Variants in PRDM11 observed in about 807,000 individuals in gnomAD.
PRDM11 encodes PR/SET domain 11.
PRDM11 carries 20 observed loss-of-function variants against 97.8 expected under a neutral mutation model. The observed-to-expected ratio is 0.20, with a 90% confidence interval of 0.14 to 0.30. The LOEUF (loss-of-function observed/expected upper bound fraction) is 0.30. Among genes scored for constraint, PRDM11 ranks in the 10% least tolerant of loss-of-function variants. PRDM11 has a pLI of 1.00. For synonymous variants in PRDM11, 599 were observed against 637.7 expected (o/e 0.94, Z 0.91); for missense variants, 1,139 against 1,555.2 (o/e 0.73, Z 4.50).
chr11:45,107,817 A>T (rs1223548202), intron 1 of PRDM11, among the ~76,000 whole-genome samples: 2 of 150,636 alleles, frequency 1.3e-5, no homozygotes, highest in Non-Finnish European at 2.9e-5. Flanking sequence ...AGTGCTCAAT[A>T]AATGTGGGTT....
chr11:45,206,059 C>T lies in PRDM11; in HGVS notation c.554+1281C>T, dbSNP rs1292925199. On this transcript the variant is annotated intron_variant, in intron 5 of 7. Coordinates refer to ENST00000683152, the MANE Select transcript of PRDM11 (RefSeq NM_001384648.1). ...GGCCCCAGGGAGGTGGCTTGACACC[C>T]TGACTGCCTTCTCTTCTCACTGCCA... 2.0e-5 allele frequency among the ~76,000 whole-genome samples: 3 copies of T among 152,204 alleles called. No individual in the cohort carries two copies. The East Asian group carries it at 5.8e-4, about 29-fold the overall frequency.
intron 5 of PRDM11, chr11:45,214,587 C>G (rs1405454002): frequency 1.3e-5 from 2 of 152,196 alleles, no homozygotes; most frequent in East Asian, 3.9e-4. Flanking sequence ...TTGGGGGTTC[C>G]TGCTTCCCTC....
At chr11:45,148,992 T>A (rs1851594442) in intron 1 of PRDM11, among the ~76,000 whole-genome samples, 1 of 152,126 alleles carries the variant, frequency 6.6e-6, no homozygotes. Flanking sequence ...CCACTACTCT[T>A]TAAGGCAGAA....
chr11:45,222,405 G>A (rs545596920), intron 6 of PRDM11, among the ~76,000 whole-genome samples: 40 of 152,312 alleles, frequency 2.6e-4, no homozygotes, highest in Admixed American at 7.8e-4. Context: ...CTGCCTGATT[G>A]TCCCATGAGG....
At position 45,204,748 on chromosome 11, in the gene PRDM11, G is replaced by A. The variant is rs891370063; in HGVS notation, c.524G>A (p.Gly175Asp). 4.3e-6 allele frequency: 7 copies of A among 1,613,152 alleles called. No homozygotes were observed. Among genetic ancestry groups the A allele is most frequent in the Non-Finnish European group, 4.2e-6 (5 of 1,179,140 alleles). The change falls in exon 5 of 8, where the codon GGC (glycine) becomes GAC (aspartate). Residue 175 changes from glycine to aspartate, a missense_variant. This residue lies in a region of PRDM11 where 429 missense variants were observed against 510.3 expected (regional missense o/e 0.84). Coordinates refer to ENST00000683152, the MANE Select transcript of PRDM11 (RefSeq NM_001384648.1). ...AACAACCGCTATAAGTCCATAGATG[G>A]CTCAGACGAGACCAAAGCCAACTGG... ...DKNNRYKSIDGSDETKANWMR... is the reference protein window; with the variant it reads ...DKNNRYKSIDDSDETKANWMR...
intron 1 of PRDM11, among the ~76,000 whole-genome samples, chr11:45,137,212 C>A (rs1162552628): frequency 2.7e-5 from 4 of 150,896 alleles, no homozygotes; most frequent in African/African-American, 9.8e-5. Context: ...GCAGGCAGAT[C>A]ACTTGAGGTC....
intron 4 of PRDM11, among the ~76,000 whole-genome samples, chr11:45,185,083 C>T (rs1852655331): frequency 6.6e-6 from 1 of 152,160 alleles, no homozygotes; most frequent in Non-Finnish European, 1.5e-5. Flanking sequence ...CCAAGTGCTG[C>T]TGAGAAACCA....
At chr11:45,139,568 C>CAAAAAAAA (rs10594529) in intron 1 of PRDM11, among the ~76,000 whole-genome samples, 14 of 91,422 alleles carry the variant, frequency 1.5e-4, no homozygotes, top group African/African-American at 5.0e-4. Context: ...CTCCAACTCA[C>CAAAAAAAA]AAAAAAAAAA....
intron 1 of PRDM11, among the ~76,000 whole-genome samples, chr11:45,138,304 G>A (rs1006974341): frequency 2.0e-5 from 3 of 152,168 alleles, no homozygotes; most frequent in Non-Finnish European, 2.9e-5. Context: ...TGGTGCTCCC[G>A]CCTATAATCC....
intron 1 of PRDM11, among the ~76,000 whole-genome samples, chr11:45,118,758 GA>G (rs1409788674): frequency 6.6e-6 from 1 of 152,198 alleles, no homozygotes. Flanking sequence ...GGTTAAGTAT[GA>G]ATGACAAAAT....
At chr11:45,133,567 C>A (rs1168273939) in intron 1 of PRDM11, among the ~76,000 whole-genome samples, 6 of 152,160 alleles carry the variant, frequency 3.9e-5, no homozygotes, top group Admixed American at 3.9e-4. Flanking sequence ...GTTATAGGAG[C>A]CAACACGTTA....
intron 4 of PRDM11, among the ~76,000 whole-genome samples, chr11:45,202,035 C>G (rs1565319631): frequency 6.6e-6 from 1 of 152,154 alleles, no homozygotes; most frequent in Non-Finnish European, 1.5e-5. Flanking sequence ...TCTCAAACTC[C>G]TGGCCTCAAG....
At chr11:45,188,126 C>G (rs1852776449) in intron 4 of PRDM11, among the ~76,000 whole-genome samples, 1 of 152,142 alleles carries the variant, frequency 6.6e-6, no homozygotes, top group South Asian at 2.1e-4. Flanking sequence ...CCTCCACACT[C>G]CCTCCCTCAG....
chr11:45,142,272 G>GTCC (rs893471647), upstream of PRDM11, among the ~76,000 whole-genome samples: 3 of 152,108 alleles, frequency 2.0e-5, no homozygotes, highest in African/African-American at 7.2e-5. Flanking sequence ...TCTGCTTCTT[G>GTCC]TCCTTCTTGC....
At chr11:45,156,485 C>G (rs1224010850) in intron 1 of PRDM11, among the ~76,000 whole-genome samples, 7 of 152,254 alleles carry the variant, frequency 4.6e-5, no homozygotes, top group Admixed American at 4.6e-4. Flanking sequence ...CCGCAGACCT[C>G]TGCCCATCCT....
chr11:45,126,219 C>T (rs865799326), intron 1 of PRDM11, among the ~76,000 whole-genome samples: 2,025 of 151,996 alleles, frequency 0.013, 40 homozygotes, highest in African/African-American at 0.046. Flanking sequence ...TTATTTTGAG[C>T]CTATGTGTGT....
intron 4 of PRDM11, among the ~76,000 whole-genome samples, chr11:45,187,898 G>A (rs2012408): frequency 0.11 from 16,353 of 151,968 alleles, 1,305 homozygotes; most frequent in Admixed American, 0.25. Flanking sequence ...GAACGGCCCT[G>A]CCTGCTCTGC....
Position 45,098,035 on chromosome 11 carries a change from A to G in PRDM11, c.96+2134A>G, listed in dbSNP as rs547669063. On this transcript the variant is annotated intron_variant, in intron 1 of 6. Transcript: ENST00000530656. ...CTGAAGCAAATCCCTTCACTCCCCA[A>G]CTACCATCTCAGAAGGAGGAATTAG... is the stretch of plus-strand genomic sequence containing the variant. Among the ~76,000 whole-genome samples, 6 of 152,320 alleles carry G rather than the reference A, an allele frequency of 3.9e-5. 1 individual carries two copies. In the South Asian group the frequency reaches 1.2e-3, roughly 32 times the overall value.
At chr11:45,211,983 G>A (rs548533888) in intron 5 of PRDM11, among the ~76,000 whole-genome samples, 8 of 152,356 alleles carry the variant, frequency 5.3e-5, no homozygotes, top group East Asian at 1.9e-4. Flanking sequence ...GGCCAAGAGC[G>A]TCTTAGTACC....
Sources: gnomAD v4.1 joint callset for allele counts (sites outside exome capture counted in the v4.1 genomes callset) on GRCh38, gnomAD v4.1.1 for gene constraint, gnomAD v4.1.1 regional missense constraint, MANE v1.5 for transcripts, NCBI Gene and HGNC (gene_info 2026-07-23, HGNC 2026-07-21) for gene names.